ACSL3: variants seen among roughly 807,000 people sequenced by gnomAD.
The protein encoded by ACSL3 is fatty acid CoA ligase Acsl3.
A neutral mutation model predicts 84.7 loss-of-function variants in ACSL3; 34 were observed. That is an observed-to-expected ratio of 0.40 (90% CI 0.31 to 0.53). ACSL3 has a LOEUF of 0.53. Ranked by LOEUF, ACSL3 falls within the 20% of genes least tolerant of loss-of-function variation. The pLI is 0.48. For synonymous variants in ACSL3, 315 were observed against 299.4 expected, an observed-to-expected ratio of 1.05 and a Z score of -0.54; for missense variants, 680 against 873.1, an observed-to-expected ratio of 0.78 and a Z score of 2.79.
At chr2:222,933,049 G>T in intron 14 of ACSL3, 117 bp from the exon 15 acceptor site, 3 of 615,756 alleles carry the variant, frequency 4.9e-6, no homozygotes, top group South Asian at 2.6e-5. Flanking sequence ...ATTTTGCAAA[G>T]TTTTAAATAA....
chr2:222,929,063 T>G (rs1454004129), intron 13 of ACSL3, 127 bp downstream of exon 13: 31 of 666,550 alleles, frequency 4.7e-5, no homozygotes, highest in Non-Finnish European at 7.3e-5. Flanking sequence ...GTGATAGACG[T>G]GTTTTATCTC....
intron 2 of ACSL3, 67 bp from the exon 3 acceptor site, chr2:222,900,607 C>A (rs1256005065): frequency 6.6e-6 from 1 of 152,118 alleles, no homozygotes; most frequent in Non-Finnish European, 1.5e-5. Flanking sequence ...TGGAAGGCAC[C>A]AAGATCATTT....
Position 222,910,384 on chromosome 2 carries a change from C to T in ACSL3, c.378+1234C>T, listed in dbSNP as rs570022611. Among the ~76,000 whole-genome samples the T allele has an allele frequency of 4.6e-5, 7 of 152,242 alleles. No homozygotes were observed. In the South Asian group the frequency reaches 1.5e-3, roughly 32 times the overall value. ...TTTGGTTAGGTAATAGGTTTAATAT[C>T]TTTTAACCATTTCCAGCTACTTTGA... On this transcript the variant is annotated intron_variant, in intron 4 of 16. Transcript: ENST00000357430.
Position 222,943,598 on chromosome 2 carries a change from AG to A in ACSL3, c.*1945del, listed in dbSNP as rs1697383882. On this transcript the variant is annotated 3_prime_UTR_variant, in exon 17 of 17. Transcript: ENST00000357430. ...AATGAGGCAGGCTTAAACTCTATTT[AG>A]TTTCGTTTGTTTTCTCATATGAAGT... 1 of 153,758 alleles carries A rather than the reference AG, an allele frequency of 6.5e-6. No homozygotes were observed. Among genetic ancestry groups the A allele is most frequent in the Non-Finnish European group, 1.4e-5 (1 of 68,982 alleles). The allele number at this position is 153,758 out of a possible 1,614,324, so 9.5% of individuals were successfully genotyped here.
At chr2:222,938,197 C>T (rs1697225021) in intron 16 of ACSL3, among the ~76,000 whole-genome samples, 1 of 152,058 alleles carries the variant, frequency 6.6e-6, no homozygotes, top group Non-Finnish European at 1.5e-5. Flanking sequence ...GACTTATACA[C>T]CTATATCAAA....
At position 222,927,022 on chromosome 2, in the gene ACSL3, T is replaced by C; in HGVS notation, c.1298T>C (p.Val433Ala). The stretch of plus-strand genomic sequence containing the variant: ...TCTCTAATTTTTTTCTTTAGCTTTG[T>C]TTTCCGGAAAGTTCGAAGCTTGCTA... ...GRNTPLCDSF[V>A]FRKVRSLLGG... The change falls in exon 12 of 17, where the codon GTT (valine) becomes GCT (alanine). Residue 433 changes from valine to alanine, a missense_variant. Physicochemically the swap from Val to Ala is moderately conservative, Grantham distance 64. Around this residue, in one of 2 missense-constraint regions of ACSL3, gnomAD observed 347 missense variants for 525.7 expected, o/e 0.66. Transcript: ENST00000357430. The C allele has an allele frequency of 6.2e-7, 1 of 1,611,098 alleles. No individual in the cohort carries two copies. Among genetic ancestry groups the C allele is most frequent in the Non-Finnish European group, 8.5e-7 (1 of 1,177,662 alleles).
chr2:222,940,760 C>T lies in ACSL3; in HGVS notation c.2006-737C>T, dbSNP rs370354752. Among the ~76,000 whole-genome samples, 630 of 152,278 alleles carry T rather than the reference C, an allele frequency of 4.1e-3. 2 individuals carry two copies. Among genetic ancestry groups the T allele is most frequent in the Middle Eastern group, 0.02 (6 of 294 alleles). Reference sequence around the variant, plus strand: ...ATGTATATATAGTAGGCTATACCATCGACATTCGTGTAAGATATGCTATGA... The same window carrying T: ...ATGTATATATAGTAGGCTATACCATTGACATTCGTGTAAGATATGCTATGA... On this transcript the variant is annotated intron_variant, in intron 16 of 16. Coordinates refer to ENST00000357430, the MANE Select transcript of ACSL3 (RefSeq NM_004457.5).
At chr2:222,875,492 T>A (rs1271338974) in intron 1 of ACSL3, among the ~76,000 whole-genome samples, 3 of 152,224 alleles carry the variant, frequency 2.0e-5, no homozygotes, top group African/African-American at 7.2e-5. Flanking sequence ...TTTCACTGAT[T>A]GATTTATATC....
chr2:222,879,902 T>C (rs536685234), intron 1 of ACSL3, among the ~76,000 whole-genome samples: 46 of 152,242 alleles, frequency 3.0e-4, no homozygotes, highest in African/African-American at 9.6e-4. Context: ...AAACCTTTTT[T>C]TTTTTTTTCT....
At chr2:222,868,606 C>T (rs1215445476) in intron 1 of ACSL3, among the ~76,000 whole-genome samples, 2 of 152,078 alleles carry the variant, frequency 1.3e-5, no homozygotes, top group African/African-American at 4.8e-5. Flanking sequence ...CTGTAGCAAA[C>T]CATAAGTTGA....
chr2:222,907,071 G>A (rs187771218), intron 3 of ACSL3, among the ~76,000 whole-genome samples: 224 of 152,300 alleles, frequency 1.5e-3, no homozygotes, highest in Middle Eastern at 0.01. Context: ...GCTGGGGCTG[G>A]GGACAGCAGC....
At chr2:222,924,124 A>G (rs998832188) in intron 10 of ACSL3, among the ~76,000 whole-genome samples, 3 of 152,232 alleles carry the variant, frequency 2.0e-5, no homozygotes, top group Non-Finnish European at 4.4e-5. Flanking sequence ...AGTAGGTTTT[A>G]GTTCAGAATT....
intron 15 of ACSL3, among the ~76,000 whole-genome samples, chr2:222,934,256 A>G (rs571043776): frequency 2.6e-5 from 4 of 152,374 alleles, no homozygotes; most frequent in South Asian, 4.1e-4. Context: ...AAATGTGTAC[A>G]TGGCAGTATT....
chr2:222,920,085 T>A (rs1696691886), intron 7 of ACSL3, among the ~76,000 whole-genome samples: 1 of 151,996 alleles, frequency 6.6e-6, no homozygotes, highest in Non-Finnish European at 1.5e-5. Flanking sequence ...TCTTGGTGAG[T>A]CATCAGCAGG....
chr2:222,886,163 CCAT>C (rs10564643), intron 1 of ACSL3, among the ~76,000 whole-genome samples: 138,564 of 151,988 alleles, frequency 0.91, 63,279 homozygotes, highest in East Asian at 0.98. Context: ...ACCTTTCAAC[CCAT>C]CATCATCTAA....
chr2:222,924,651 T>TTCACATTAA lies in ACSL3; in HGVS notation c.1292+58_1292+66dup. The TTCACATTAA allele has an allele frequency of 1.1e-5, 16 of 1,443,892 alleles. No homozygotes were observed. In the African/African-American group the frequency reaches 1.2e-4, roughly 11 times the overall value. The allele number at this position is 1,443,892 out of a possible 1,614,324, so 89.4% of individuals were successfully genotyped here. A position where few individuals can be genotyped will look rare whatever the true frequency, so the allele number is the denominator to read the frequency against. On this transcript the variant is annotated intron_variant, in intron 11 of 16. Coordinates refer to ENST00000357430, the MANE Select transcript of ACSL3 (RefSeq NM_004457.5). ...TCCTCTTGATAATTTAATCATTTAGTTCACATTAATAGCCCAATTAATTGA... is the reference window on the plus strand; with the variant it reads ...TCCTCTTGATAATTTAATCATTTAGTTCACATTAATCACATTAATAGCCCAATTAATTGA...
chr2:222,920,108 A>G (rs1459895895), intron 7 of ACSL3, among the ~76,000 whole-genome samples: 1 of 152,176 alleles, frequency 6.6e-6, no homozygotes, highest in Non-Finnish European at 1.5e-5. Flanking sequence ...CAGGGGCTGC[A>G]TGCAGAGGTC....
chr2:222,905,787 A>G (rs1309590449), intron 3 of ACSL3, among the ~76,000 whole-genome samples: 1 of 152,130 alleles, frequency 6.6e-6, no homozygotes, highest in Non-Finnish European at 1.5e-5. Flanking sequence ...TCAGCTGTGC[A>G]TGAGCAAATT....
chr2:222,929,148 A>G (rs1696958349), intron 13 of ACSL3, among the ~76,000 whole-genome samples: 1 of 152,160 alleles, frequency 6.6e-6, no homozygotes, highest in South Asian at 2.1e-4. Flanking sequence ...CATTTTACTT[A>G]TTACGTAGAT....
Sources: allele counts gnomAD v4.1 joint callset (sites outside exome capture counted in the v4.1 genomes callset), GRCh38; gene constraint gnomAD v4.1.1; regional missense constraint gnomAD v4.1.1; transcripts MANE v1.5; gene names NCBI Gene and HGNC (gene_info 2026-07-23, HGNC 2026-07-21).